The following DLGAP2 variants were observed in gnomAD, a reference collection of about 807,000 sequenced individuals.
DLGAP2 encodes the protein disks large-associated protein 2.
DLGAP2 carries 26 observed loss-of-function variants against 100.3 expected under a neutral mutation model. The observed-to-expected ratio is 0.26, with a 90% confidence interval of 0.19 to 0.36. The LOEUF is 0.36. DLGAP2 is among the 10% of genes least tolerant of loss of function. The pLI, the probability that DLGAP2 is intolerant of heterozygous loss-of-function variation, is 1.00. For missense variants in DLGAP2, 1,858 were observed against 1,453.2 expected (o/e 1.28, Z -4.53); for synonymous variants, 886 against 630.1 (o/e 1.41, Z -6.08).
chr8:1,490,314 C>T (rs960514188), intron 3 of DLGAP2, among the ~76,000 whole-genome samples: 3 of 152,196 alleles, frequency 2.0e-5, no homozygotes, highest in African/African-American at 7.2e-5. Flanking sequence ...AAGCACCTTA[C>T]GTGCGGGGTT....
In DLGAP2 at chr8:1,199,952, C is replaced by G. The variant is rs980738409; in HGVS notation, c.74-58899C>G. 3.9e-5 allele frequency among the ~76,000 whole-genome samples: 6 copies of G among 152,286 alleles called. No individual in the cohort carries two copies. The East Asian group carries it at 1.2e-3, about 29-fold the overall frequency. On this transcript the variant is annotated intron_variant, in intron 2 of 14. Coordinates refer to ENST00000637795, the MANE Select transcript of DLGAP2 (RefSeq NM_001346810.2). Reference sequence around the variant, plus strand: ...GTGGAAGGATTCCCCCCCACAACCCCCCGCAGAGGCCGGGTCTCAGCAGGG... The same window carrying G: ...GTGGAAGGATTCCCCCCCACAACCCGCCGCAGAGGCCGGGTCTCAGCAGGG...
chr8:1,529,962 T>C lies in DLGAP2; in HGVS notation c.173-18664T>C, dbSNP rs1800934418. Among the ~76,000 whole-genome samples, 3 of 152,192 alleles carry C rather than the reference T, an allele frequency of 2.0e-5. No homozygotes were observed. In the South Asian group the frequency reaches 6.2e-4, roughly 32 times the overall value. Reference sequence around the variant, plus strand: ...GTGTGGGTCACAGACATCAAGTACTTTACAAGGTAATAGAATACCACAAGG... The same window carrying C: ...GTGTGGGTCACAGACATCAAGTACTCTACAAGGTAATAGAATACCACAAGG... On this transcript the variant is annotated intron_variant, in intron 4 of 14. Coordinates refer to ENST00000637795, the MANE Select transcript of DLGAP2 (RefSeq NM_001346810.2).
chr8:1,641,090 G>T (rs190381338), intron 8 of DLGAP2, among the ~76,000 whole-genome samples: 1 of 152,258 alleles, frequency 6.6e-6, no homozygotes, highest in Admixed American at 6.5e-5. Context: ...GTTAGGACAG[G>T]AGCCCCTGGT....
chr8:1,357,495 T>C (rs1801882978), intron 3 of DLGAP2, among the ~76,000 whole-genome samples: 2 of 151,856 alleles, frequency 1.3e-5, no homozygotes, highest in Admixed American at 1.3e-4. Context: ...CTATTGCTGG[T>C]GAGTGAGAAT....
intron 3 of DLGAP2, among the ~76,000 whole-genome samples, chr8:1,476,866 G>A (rs1430655102): frequency 1.3e-5 from 2 of 149,968 alleles, no homozygotes; most frequent in Non-Finnish European, 3.0e-5. Context: ...CGTGATGGCC[G>A]AGTGCTGTCG....
chr8:1,599,090 G>T (rs930198681), intron 6 of DLGAP2, among the ~76,000 whole-genome samples: 12 of 152,172 alleles, frequency 7.9e-5, no homozygotes, highest in African/African-American at 2.9e-4. Flanking sequence ...TGGTTCCAAA[G>T]AACTTATTTA....
At chr8:1,337,318 A>G (rs1801302452) in intron 3 of DLGAP2, among the ~76,000 whole-genome samples, 1 of 92,986 alleles carries the variant, frequency 1.1e-5, no homozygotes, top group Admixed American at 1.1e-4. Flanking sequence ...TGTGATGGTG[A>G]GAATGATGGT....
chr8:816,728 G>T (rs1210469354), intron 1 of DLGAP2, among the ~76,000 whole-genome samples: 2 of 152,132 alleles, frequency 1.3e-5, no homozygotes, highest in South Asian at 4.1e-4. Flanking sequence ...TGAATTTCCT[G>T]GGTGTTCTTT....
chr8:1,539,761 A>G (rs985389618), intron 4 of DLGAP2, among the ~76,000 whole-genome samples: 1 of 152,138 alleles, frequency 6.6e-6, no homozygotes, highest in African/African-American at 2.4e-5. Flanking sequence ...TGCTTGATAT[A>G]GAAGACCTTC....
intron 3 of DLGAP2, among the ~76,000 whole-genome samples, chr8:1,418,338 C>A (rs1796993688): frequency 6.6e-6 from 1 of 152,136 alleles, no homozygotes; most frequent in African/African-American, 2.4e-5. Context: ...TGAAAATATT[C>A]AACTTTAGAT....
rs184373851 is a variant in DLGAP2 at position 1,436,555 on chromosome 8, C to G, written c.107-64811C>G. 1.2e-4 allele frequency among the ~76,000 whole-genome samples: 18 copies of G among 152,276 alleles called. No homozygotes were observed. The East Asian group carries it at 2.9e-3, about 24-fold the overall frequency. On this transcript the variant is annotated intron_variant, in intron 3 of 14. Coordinates refer to ENST00000637795, the MANE Select transcript of DLGAP2 (RefSeq NM_001346810.2). ...AGGACAATACTTTGCATCCTTCAAT[C>G]CAATCAGGTTGACACTCCATATTAA...
At chr8:1,078,361 C>T (rs1449475830) in intron 2 of DLGAP2, among the ~76,000 whole-genome samples, 2 of 152,192 alleles carry the variant, frequency 1.3e-5, no homozygotes, top group African/African-American at 2.4e-5. Context: ...TAGCGTCTCA[C>T]ATGAGGTGGC....
intron 11 of DLGAP2, among the ~76,000 whole-genome samples, chr8:1,677,923 G>C (rs1798847142): frequency 6.6e-6 from 1 of 152,200 alleles, no homozygotes; most frequent in Non-Finnish European, 1.5e-5. Context: ...ATTTGCTAAT[G>C]GTGGTTTCAA....
intron 3 of DLGAP2, among the ~76,000 whole-genome samples, chr8:1,438,891 C>T (rs1797738409): frequency 6.6e-6 from 1 of 152,178 alleles, no homozygotes; most frequent in Non-Finnish European, 1.5e-5. Flanking sequence ...TTCACCTTCT[C>T]CTTCATTTTT....
At chr8:1,422,899 C>T (rs1370865939) in intron 3 of DLGAP2, among the ~76,000 whole-genome samples, 1 of 152,144 alleles carries the variant, frequency 6.6e-6, no homozygotes, top group Admixed American at 6.5e-5. Context: ...CCTGAGGAAG[C>T]TCCAGCTCCT....
At chr8:1,123,684 T>C (rs1424506882) in intron 2 of DLGAP2, among the ~76,000 whole-genome samples, 2 of 152,192 alleles carry the variant, frequency 1.3e-5, no homozygotes. Context: ...TTTCTCTTTT[T>C]TTCTCTATGT....
chr8:1,423,684 G>A (rs139764295), intron 3 of DLGAP2, among the ~76,000 whole-genome samples: 1 of 152,220 alleles, frequency 6.6e-6, no homozygotes, highest in South Asian at 2.1e-4. Context: ...AGCCTGGCAT[G>A]TGTAGCTGCT....
intron 2 of DLGAP2, among the ~76,000 whole-genome samples, chr8:1,210,515 T>C (rs935251022): frequency 6.6e-6 from 1 of 152,206 alleles, no homozygotes; most frequent in African/African-American, 2.4e-5. Flanking sequence ...TCAGCTCTGC[T>C]GAAACGTAGA....
At chr8:1,246,579 C>G (rs149750585) in intron 2 of DLGAP2, among the ~76,000 whole-genome samples, 2 of 152,332 alleles carry the variant, frequency 1.3e-5, no homozygotes, top group African/African-American at 4.8e-5. Context: ...ATGCACAATG[C>G]TTAAGATACT....
Sources: gnomAD v4.1 joint callset for allele counts (sites outside exome capture counted in the v4.1 genomes callset) on GRCh38, gnomAD v4.1.1 for gene constraint, MANE v1.5 for transcripts, NCBI Gene and HGNC (gene_info 2026-07-23, HGNC 2026-07-21) for gene names.